MKS1: variants seen among roughly 807,000 people sequenced by gnomAD.
The protein encoded by MKS1 is MKS transition zone complex subunit 1.
A neutral mutation model predicts 83.7 loss-of-function variants in MKS1; 70 were observed. The observed-to-expected ratio is 0.84, with a 90% CI of 0.69 to 1.02. MKS1 has a LOEUF of 1.02. Ranked by LOEUF, MKS1 falls within the 50% of genes least tolerant of loss-of-function variation. The pLI is 0.00. For missense variants in MKS1, 681 were observed against 726.9 expected (o/e 0.94, Z 0.73); for synonymous variants, 251 against 273.4 (o/e 0.92, Z 0.81).
intron 2 of MKS1, 188 bp downstream of exon 2, chr17:58,218,432 A>G (rs924954215): frequency 2.5e-5 from 11 of 443,496 alleles, no homozygotes; most frequent in Admixed American, 3.9e-5. Flanking sequence ...TGGGGGAAAG[A>G]GCAAGACTCC....
intron 4 of MKS1, 144 bp downstream of exon 4, chr17:58,215,944 G>A: frequency 9.8e-7 from 1 of 1,018,454 alleles, no homozygotes. Flanking sequence ...CAGGCTGGCT[G>A]CCAGCAGCAG....
intron 12 of MKS1, 124 bp from the exon 13 acceptor site, chr17:58,208,298 T>A (rs1054859051): frequency 9.9e-7 from 1 of 1,010,702 alleles, no homozygotes; most frequent in Non-Finnish European, 1.5e-6. Context: ...GAAATAGGAG[T>A]CTGAGATGCA....
rs573802579 is a variant in MKS1, at chr17:58,209,014, G to C, written c.1025-431C>G. On this transcript the variant is annotated intron_variant, in intron 11 of 17. Coordinates refer to ENST00000393119, the MANE Select transcript of MKS1 (RefSeq NM_017777.4). The surrounding 1 kb of genome is among the most constrained non-coding windows in gnomAD (Gnocchi z 4.1). ...TATAGATTAACAGCATCCCAAGGCA[G>C]AAGAATTTTTCTTAGTACAGAACAA... Among the ~76,000 whole-genome samples, 34 of 152,314 alleles carry C rather than the reference G, an allele frequency of 2.2e-4. No homozygotes were observed. The highest frequency in any genetic ancestry group is 7.7e-4 in the African/African-American group (32 of 41,564).
Position 58,213,881 on chromosome 17 carries a change from GA to G in MKS1, c.645-13del. 4.4e-6 allele frequency: 7 copies of G among 1,604,020 alleles called. No homozygotes were observed. The highest frequency in any genetic ancestry group is 6.0e-6 in the Non-Finnish European group (7 of 1,170,802). ...TCTTATAGCCAAGCCTAGAAATCAG[GA>G]AAACACCAAGGTTGAGGTCAATGGT... On this transcript the variant is annotated splice_polypyrimidine_tract_variant and intron_variant, in intron 6 of 17. Coordinates refer to ENST00000393119, the MANE Select transcript of MKS1 (RefSeq NM_017777.4).
At chr17:58,206,942 T>C in intron 15 of MKS1, 143 bp downstream of exon 15, 2 of 1,222,902 alleles carry the variant, frequency 1.6e-6, no homozygotes, top group Non-Finnish European at 2.4e-6. Flanking sequence ...AATGTGGTCA[T>C]GACTTCCAGC....
At chr17:58,216,542 A>C (rs1969228876) in intron 3 of MKS1, 124 bp downstream of exon 3, 2 of 1,145,858 alleles carry the variant, frequency 1.7e-6, no homozygotes, top group South Asian at 1.3e-5. Context: ...TGCCCTTTAA[A>C]CACAACAGGG....
In MKS1 at chr17:58,206,275, G is replaced by A. The variant is rs1489069826; in HGVS notation, c.1588+8C>T. The A allele has an allele frequency of 6.2e-7, 1 of 1,613,996 alleles. No homozygotes were observed. Among genetic ancestry groups the A allele is most frequent in the Non-Finnish European group, 8.5e-7 (1 of 1,179,926 alleles). Reference sequence around the variant, plus strand: ...ACCTGGGGTGGCCAGCTGGGGGAGGGGACATACCTAGCACATTGTGAATGG... The same window carrying A: ...ACCTGGGGTGGCCAGCTGGGGGAGGAGACATACCTAGCACATTGTGAATGG... On this transcript the variant is annotated splice_region_variant and intron_variant, in intron 17 of 17. Coordinates refer to ENST00000393119, the MANE Select transcript of MKS1 (RefSeq NM_017777.4).
Position 58,216,155 on chromosome 17 carries a change from G to A in MKS1, c.350C>T (p.Ser117Leu), listed in dbSNP as rs755927059. 5.6e-6 allele frequency: 9 copies of A among 1,614,000 alleles called. No homozygotes were observed. The highest frequency in any genetic ancestry group is 2.7e-5 in the African/African-American group (2 of 74,910). Residue 117 changes from serine (S) to leucine (L), a missense_variant, in exon 4 of 18, where the codon TCG (serine) becomes TTG (leucine). This residue lies in a region of MKS1 where 365 missense variants were observed against 383.8 expected (regional missense o/e 0.95). Coordinates refer to ENST00000393119, the MANE Select transcript of MKS1 (RefSeq NM_017777.4). The part of the protein sequence containing the change: ...YRQEILKLEN[S>L]GGKKNRRIFT... ...GATTCGTCGGTTTTTCTTGCCACCC[G>A]AATTCTCCAGCTTCAGGATCTCCTG...
At chr17:58,218,798 G>A in intron 1 of MKS1, 69 bp from the exon 2 acceptor site, 1 of 1,383,586 alleles carries the variant, frequency 7.2e-7, no homozygotes, top group Non-Finnish European at 1.0e-6. Context: ...AGCAAGGATG[G>A]GGGAAACAAA....
At chr17:58,216,297 T>C in intron 3 of MKS1, 54 bp from the exon 4 acceptor site, 1 of 1,577,596 alleles carries the variant, frequency 6.3e-7, no homozygotes, top group Non-Finnish European at 8.6e-7. Context: ...TACATCAAAC[T>C]TTTGCTTCTG....
chr17:58,207,966 C>T lies in MKS1; in HGVS notation c.1201G>A (p.Val401Ile), dbSNP rs1166766268. 1.2e-6 allele frequency: 2 copies of T among 1,614,118 alleles called. No individual in the cohort carries two copies. Among genetic ancestry groups the T allele is most frequent in the Non-Finnish European group, 1.7e-6 (2 of 1,180,036 alleles). Reference protein sequence around the residue: ...LPEWPVLYCEVLSLDFWQRYR... With the variant: ...LPEWPVLYCEILSLDFWQRYR... ...CTCTGCCAGAAGTCCAGCGAGAGGA[C>T]CTCACAGTAGAGCACAGGCCACTCC... is the stretch of plus-strand genomic sequence containing the variant. Residue 401 changes from valine (V) to isoleucine (I), a missense_variant, in exon 14 of 18, where the codon GTC (valine) becomes ATC (isoleucine). Physicochemically the swap from Val to Ile is conservative, Grantham distance 29. Around this residue, in one of 3 missense-constraint regions of MKS1, gnomAD observed 310 missense variants for 321.7 expected, o/e 0.96. Coordinates refer to ENST00000393119, the MANE Select transcript of MKS1 (RefSeq NM_017777.4).
chr17:58,207,849 G>T, intron 14 of MKS1, 45 bp downstream of exon 14: 1 of 1,514,280 alleles, frequency 6.6e-7, no homozygotes. Context: ...TTGTTCTTAG[G>T]GCCTAGGGCA....
intron 2 of MKS1, among the ~76,000 whole-genome samples, chr17:58,217,401 T>C (rs769741619): frequency 2.0e-5 from 3 of 152,268 alleles, no homozygotes; most frequent in Non-Finnish European, 4.4e-5. Context: ...AAAATAACCC[T>C]GGCATTTTTA....
intron 9 of MKS1, 117 bp downstream of exon 9, chr17:58,212,261 C>T (rs908781453): frequency 3.2e-6 from 4 of 1,240,800 alleles, no homozygotes; most frequent in Non-Finnish European, 4.7e-6. Flanking sequence ...CTTTGACTTC[C>T]TTTTCACACT....
At chr17:58,210,543 T>C (rs1316639273) in intron 11 of MKS1, 116 bp downstream of exon 11, 1 of 1,046,478 alleles carries the variant, frequency 9.6e-7, no homozygotes, top group Non-Finnish European at 1.5e-6. Flanking sequence ...ATGTGATCTA[T>C]GACCTTGAAA....
intron 4 of MKS1, among the ~76,000 whole-genome samples, chr17:58,215,276 A>AT (rs1013418614): frequency 6.6e-6 from 1 of 152,028 alleles, no homozygotes; most frequent in Admixed American, 6.6e-5. Flanking sequence ...TAATTTATAT[A>AT]TTTTTTTAAG....
At chr17:58,214,945 C>CA (rs1432017331) in intron 4 of MKS1, 107 bp from the exon 5 acceptor site, 2 of 1,508,756 alleles carry the variant, frequency 1.3e-6, no homozygotes, top group African/African-American at 2.8e-5. Context: ...ACCTGAACCC[C>CA]ACAGGTTCCG....
rs386834050 is a variant in MKS1 at position 58,214,784 on chromosome 17, G to A, written c.472C>T (p.Arg158Ter). ...CGGCGACGCCTGACATTTGCCATTCGCTCGACCAAGAATGAAGGCACCTCG... is the reference window on the plus strand; with the variant it reads ...CGGCGACGCCTGACATTTGCCATTCACTCGACCAAGAATGAAGGCACCTCG... ...ASEVPSFLVE[R>*]MANVRRRRQD... Residue 158 changes from arginine to a stop codon, truncating the protein, a stop_gained, in exon 5 of 18, where the codon CGA becomes TGA. Coordinates refer to ENST00000393119, the MANE Select transcript of MKS1 (RefSeq NM_017777.4). LOFTEE classifies it high-confidence loss of function. The A allele has an allele frequency of 2.5e-6, 4 of 1,606,942 alleles. No individual in the cohort carries two copies. The highest frequency in any genetic ancestry group is 3.3e-5 in the Admixed American group (2 of 59,976).
intron 9 of MKS1, 113 bp from the exon 10 acceptor site, chr17:58,211,135 G>T (rs971240678): frequency 4.0e-6 from 4 of 999,142 alleles, no homozygotes; most frequent in Non-Finnish European, 4.7e-6. Flanking sequence ...CAGGCCCTGG[G>T]TGTCACTACT....
Sources: gnomAD v4.1 joint callset for allele counts (sites outside exome capture counted in the v4.1 genomes callset) on GRCh38, gnomAD v4.1.1 for gene constraint, gnomAD v4.1.1 regional missense constraint, Gnocchi (gnomAD v3.1) non-coding constraint, MANE v1.5 for transcripts, NCBI Gene and HGNC (gene_info 2026-07-23, HGNC 2026-07-21) for gene names.